Variants in LRRC28 observed in about 807,000 individuals in gnomAD.
LRRC28 encodes the protein leucine-rich repeat-containing protein 28.
In LRRC28, 39 loss-of-function variants were observed where a neutral mutation model predicts 45.7. That is an observed-to-expected ratio of 0.85 (90% CI 0.66 to 1.12). LRRC28 has a LOEUF of 1.12. LRRC28 is among the 50% of genes most tolerant of loss of function. The probability of loss-of-function intolerance (pLI) is 0.00; values close to 1 mark genes in which losing one functional copy is unlikely to be tolerated. For missense variants in LRRC28, 435 were observed against 438.5 expected (o/e 0.99, Z 0.07); for synonymous variants, 206 against 178.8 (o/e 1.15, Z -1.22).
At chr15:99,295,343 T>A (rs2152230497) in intron 5 of LRRC28, among the ~76,000 whole-genome samples, 1 of 152,336 alleles carries the variant, frequency 6.6e-6, no homozygotes, top group African/African-American at 2.4e-5. Context: ...AAACTAATTT[T>A]CTCCCAATGA....
chr15:99,289,208 G>T (rs1261845882), intron 5 of LRRC28, among the ~76,000 whole-genome samples: 1 of 151,992 alleles, frequency 6.6e-6, no homozygotes, highest in Non-Finnish European at 1.5e-5. Context: ...CCACGTATTA[G>T]CAAATTCCAC....
At chr15:99,321,412 C>T (rs922676278) in intron 5 of LRRC28, among the ~76,000 whole-genome samples, 1 of 152,082 alleles carries the variant, frequency 6.6e-6, no homozygotes, top group East Asian at 1.9e-4. Context: ...TTTGAAAATG[C>T]GTAAGAGACT....
At chr15:99,259,586 A>G in intron 2 of LRRC28, 6 of 1,489,480 alleles carry the variant, frequency 4.0e-6, no homozygotes, top group Non-Finnish European at 5.6e-6. Context: ...GTCTGGCAAC[A>G]TGGAGAGAAT....
At chr15:99,266,638 C>G (rs550998686) in intron 2 of LRRC28, among the ~76,000 whole-genome samples, 1 of 152,180 alleles carries the variant, frequency 6.6e-6, no homozygotes, top group Non-Finnish European at 1.5e-5. Flanking sequence ...TCGGCATTTT[C>G]ACTTGCAAGA....
In LRRC28 at chr15:99,329,868, T is replaced by G. The variant is rs560838164; in HGVS notation, c.386-4055T>G. 7.9e-5 allele frequency among the ~76,000 whole-genome samples: 12 copies of G among 152,338 alleles called. No homozygotes were observed. The South Asian group carries it at 2.5e-3, about 32-fold the overall frequency. ...CATAGTGGTATGCGTGTATGCATTT[T>G]GCTTTTTGACATATTTCCTTATGAA... On this transcript the variant is annotated intron_variant, in intron 5 of 9. Transcript: ENST00000301981.
rs1237665293 is a variant in LRRC28 at position 99,390,543 on chromosome 15, A to G, written c.*4441A>G. On this transcript the variant is annotated 3_prime_UTR_variant, in exon 10 of 10. Coordinates refer to ENST00000301981, the MANE Select transcript of LRRC28 (RefSeq NM_144598.5). ...ATTTTTAAAATAGATACATAATGAA[A>G]TCCAGGCCTCTGAAAAATTATGGCA... is the stretch of plus-strand genomic sequence containing the variant. 1 of 152,206 alleles carries G rather than the reference A, an allele frequency of 6.6e-6. No individual in the cohort carries two copies. Among genetic ancestry groups the G allele is most frequent in the African/African-American group, 2.4e-5 (1 of 41,444 alleles). The allele number at this position is 152,206 out of a possible 1,614,324, so 9.4% of individuals were successfully genotyped here.
intron 5 of LRRC28, among the ~76,000 whole-genome samples, chr15:99,332,417 T>C (rs1791186857): frequency 6.6e-6 from 1 of 152,166 alleles, no homozygotes; most frequent in Admixed American, 6.5e-5. Context: ...TTCGTAAATA[T>C]TAGAAAAATA....
Position 99,386,026 on chromosome 15 carries a change from C to T in LRRC28, c.1032-4C>T. 6.2e-7 allele frequency: 1 copy of T among 1,613,570 alleles called. No homozygotes were observed. The highest frequency in any genetic ancestry group is 8.5e-7 in the Non-Finnish European group (1 of 1,179,560). ...CGTTCTTCTCTCCCTTTTTCCCCTTCCAGGAAGACAACTGTTAGTTTTGTG... is the reference window on the plus strand; with the variant it reads ...CGTTCTTCTCTCCCTTTTTCCCCTTTCAGGAAGACAACTGTTAGTTTTGTG... On this transcript the variant is annotated splice_polypyrimidine_tract_variant and splice_region_variant and intron_variant, in intron 9 of 9. Transcript: ENST00000301981.
Position 99,389,062 on chromosome 15 carries a change from A to T in LRRC28, c.*2960A>T, listed in dbSNP as rs1263521859. 1.3e-5 allele frequency: 2 copies of T among 152,204 alleles called. No individual in the cohort carries two copies. The highest frequency in any genetic ancestry group is 2.9e-5 in the Non-Finnish European group (2 of 68,032). The allele number at this position is 152,204 out of a possible 1,614,324, so 9.4% of individuals were successfully genotyped here. On this transcript the variant is annotated 3_prime_UTR_variant, in exon 10 of 10. Coordinates refer to ENST00000301981, the MANE Select transcript of LRRC28 (RefSeq NM_144598.5). The stretch of plus-strand genomic sequence containing the variant: ...AATACATAATAATTAAATGATCCCT[A>T]TTCAAAAGAACCCTGGCTTGGGTGG...
chr15:99,301,141 A>G (rs747919513), intron 5 of LRRC28, among the ~76,000 whole-genome samples: 19 of 152,232 alleles, frequency 1.2e-4, no homozygotes, highest in Admixed American at 2.6e-4. Context: ...ATCCAATAGC[A>G]TAGTTGAATA....
chr15:99,280,097 T>C (rs2081740733), intron 3 of LRRC28, among the ~76,000 whole-genome samples: 1 of 152,194 alleles, frequency 6.6e-6, no homozygotes, highest in Non-Finnish European at 1.5e-5. Flanking sequence ...TAATTTGTCA[T>C]TGGCATCTTT....
chr15:99,305,053 G>A lies in LRRC28; in HGVS notation c.385+17102G>A, dbSNP rs529427210. ...GCATCACTGATGGCCAGATCTTAGC[G>A]GTAGGAGTTGAGCCAAAGAAGTGAA... On this transcript the variant is annotated intron_variant, in intron 5 of 9. Coordinates refer to ENST00000301981, the MANE Select transcript of LRRC28 (RefSeq NM_144598.5). 1.8e-4 allele frequency among the ~76,000 whole-genome samples: 28 copies of A among 152,260 alleles called. 1 individual carries two copies. Among genetic ancestry groups the A allele is most frequent in the African/African-American group, 5.3e-4 (22 of 41,556 alleles).
At chr15:99,357,332 A>AT (rs1024738187) in intron 7 of LRRC28, among the ~76,000 whole-genome samples, 3 of 152,322 alleles carry the variant, frequency 2.0e-5, no homozygotes, top group African/African-American at 7.2e-5. Flanking sequence ...CAAATACACA[A>AT]TTTTTATGGA....
intron 5 of LRRC28, 33 bp from the exon 6 acceptor site, chr15:99,333,890 T>A: frequency 1.2e-6 from 2 of 1,604,634 alleles, no homozygotes; most frequent in Non-Finnish European, 1.7e-6. Flanking sequence ...TTCATAAGGA[T>A]GCAATTTATC....
rs753803131 is a variant in LRRC28, at chr15:99,363,112, A to G, written c.878A>G (p.Asn293Ser). The G allele has an allele frequency of 6.2e-6, 10 of 1,606,060 alleles. No homozygotes were observed. The South Asian group carries it at 6.7e-5, about 11-fold the overall frequency. The change falls in exon 9 of 10, where the codon AAC becomes AGC. Residue 293 changes from asparagine (N) to serine (S), a missense_variant. Coordinates refer to ENST00000301981, the MANE Select transcript of LRRC28 (RefSeq NM_144598.5). ...ATTTTCTTTTGTGTTCCAGATTTGAACTTTCTGTCTCCAATCTCATTACCC... is the reference window on the plus strand; with the variant it reads ...ATTTTCTTTTGTGTTCCAGATTTGAGCTTTCTGTCTCCAATCTCATTACCC... Reference protein sequence around the residue: ...HTYHSLLKDLNFLSPISLPRS... With the variant: ...HTYHSLLKDLSFLSPISLPRS...
rs188305621 is a variant in LRRC28 at position 99,302,262 on chromosome 15, C to T, written c.385+14311C>T. Among the ~76,000 whole-genome samples, 161 of 152,210 alleles carry T rather than the reference C, an allele frequency of 1.1e-3. 1 individual carries two copies. Among genetic ancestry groups the T allele is most frequent in the African/African-American group, 3.8e-3 (158 of 41,532 alleles). Reference sequence around the variant, plus strand: ...CAGGATGGTCTCGATCTCCTGACCTCATGATCTGCCCGCCTCGGCCTCCCA... The same window carrying T: ...CAGGATGGTCTCGATCTCCTGACCTTATGATCTGCCCGCCTCGGCCTCCCA... On this transcript the variant is annotated intron_variant, in intron 5 of 9. Transcript: ENST00000301981.
intron 6 of LRRC28, 23 bp from the exon 7 acceptor site, chr15:99,352,346 C>T: frequency 6.6e-7 from 1 of 1,519,088 alleles, no homozygotes. Flanking sequence ...ATAGGAATTA[C>T]AGCACTTTTC....
chr15:99,333,826 A>G, intron 5 of LRRC28, 97 bp from the exon 6 acceptor site: 3 of 1,237,288 alleles, frequency 2.4e-6, no homozygotes, highest in Non-Finnish European at 3.5e-6. Flanking sequence ...AGTCGCAGCT[A>G]CTGATTTCAT....
chr15:99,262,260 T>C (rs1451924840), intron 2 of LRRC28, among the ~76,000 whole-genome samples: 1 of 152,086 alleles, frequency 6.6e-6, no homozygotes, highest in African/African-American at 2.4e-5. Flanking sequence ...GGATTGCTGG[T>C]CTAAAGGGTA....
Sources: allele counts gnomAD v4.1 joint callset (sites outside exome capture counted in the v4.1 genomes callset), GRCh38; gene constraint gnomAD v4.1.1; transcripts MANE v1.5; gene names NCBI Gene and HGNC (gene_info 2026-07-23, HGNC 2026-07-21).